TET3: variants seen among roughly 807,000 people sequenced by gnomAD.
TET3 encodes methylcytosine dioxygenase TET3.
A neutral mutation model predicts 141.4 loss-of-function variants in TET3; 19 were observed. That is an observed-to-expected ratio of 0.13 (90% CI 0.09 to 0.20). The LOEUF (loss-of-function observed/expected upper bound fraction) is 0.20, where lower values mean the gene tolerates loss of function less well. Among genes scored for constraint, TET3 ranks in the 10% least tolerant of loss-of-function variants. The pLI, the probability that TET3 is intolerant of heterozygous loss-of-function variation, is 1.00. For missense variants in TET3, 1,874 were observed against 2,356.9 expected, an observed-to-expected ratio of 0.80 and a Z score of 4.24; for synonymous variants, 1,043 against 980.9, an observed-to-expected ratio of 1.06 and a Z score of -1.18.
rs1252821430 is a variant in TET3, at chr2:74,104,347, G to GA, written c.*2175dup. ...AATTATTCAGAACTCAGATTTATAG[G>GA]AAAACCTCTGACCTTCAGTTTGACA... On this transcript the variant is annotated 3_prime_UTR_variant, in exon 12 of 12. Transcript: ENST00000409262. 2 of 152,094 alleles carry GA rather than the reference G, an allele frequency of 1.3e-5. No homozygotes were observed. Among genetic ancestry groups the GA allele is most frequent in the Non-Finnish European group, 2.9e-5 (2 of 68,016 alleles). 9.4% of individuals were successfully genotyped at this position (152,094 alleles called of 1,614,324 possible).
At chr2:74,120,568 G>A in the TET3 span, 1 of 152,618 alleles carries the variant, frequency 6.6e-6, no homozygotes, top group African/African-American at 2.4e-5. Context: ...TCTTGTTGAG[G>A]AGGGACCGGA....
chr2:74,097,807 C>T (rs1022729573), intron 10 of TET3, among the ~76,000 whole-genome samples: 4 of 152,146 alleles, frequency 2.6e-5, no homozygotes, highest in South Asian at 2.1e-4. Flanking sequence ...AAGGAGATGG[C>T]GAGGGGGTGT....
At chr2:74,096,535 G>C (rs1419393687) in intron 10 of TET3, among the ~76,000 whole-genome samples, 2 of 152,160 alleles carry the variant, frequency 1.3e-5, no homozygotes, top group East Asian at 3.8e-4. Context: ...GGGAGGCTGA[G>C]ATGGGTGGAT....
intron 4 of TET3, among the ~76,000 whole-genome samples, chr2:74,070,719 A>G (rs1289486808): frequency 1.3e-5 from 2 of 152,196 alleles, no homozygotes; most frequent in Non-Finnish European, 2.9e-5. Context: ...CAAGCCTGTA[A>G]TCCTAGCACT....
chr2:74,063,666 G>T (rs1284412045), intron 4 of TET3, among the ~76,000 whole-genome samples: 1 of 152,112 alleles, frequency 6.6e-6, no homozygotes, highest in African/African-American at 2.4e-5. Flanking sequence ...GAGATGAGTT[G>T]TTCAGTGGGT....
chr2:74,013,269 C>T (rs895245904), intron 3 of TET3, among the ~76,000 whole-genome samples: 1 of 151,944 alleles, frequency 6.6e-6, no homozygotes, highest in African/African-American at 2.4e-5. Context: ...GCTGGGATTA[C>T]AGGCATGAGC....
intron 3 of TET3, among the ~76,000 whole-genome samples, chr2:74,038,920 C>T (rs906022323): frequency 3.3e-5 from 5 of 152,222 alleles, no homozygotes; most frequent in Admixed American, 6.5e-5. Flanking sequence ...GATTCTGTTC[C>T]TTGTCTCACT....
At chr2:74,080,979 G>T (rs1311324736) in intron 6 of TET3, among the ~76,000 whole-genome samples, 1 of 152,182 alleles carries the variant, frequency 6.6e-6, no homozygotes, top group Non-Finnish European at 1.5e-5. Context: ...TGGACTGTCA[G>T]ACTCCTTGTC....
chr2:74,070,212 A>C (rs1372338256), intron 4 of TET3, among the ~76,000 whole-genome samples: 1 of 151,560 alleles, frequency 6.6e-6, no homozygotes, highest in Non-Finnish European at 1.5e-5. Context: ...GAGACTGGGT[A>C]ATTTATAAAG....
chr2:74,135,337 G>GCAA, the TET3 span: 22 of 609,110 alleles, frequency 3.6e-5, no homozygotes, highest in African/African-American at 2.2e-4. Flanking sequence ...CTCTGTAGCA[G>GCAA]GACAGAACTG....
intron 2 of TET3, among the ~76,000 whole-genome samples, chr2:73,999,934 A>C (rs1050441080): frequency 6.6e-5 from 10 of 151,558 alleles, no homozygotes; most frequent in African/African-American, 2.4e-4. Flanking sequence ...TGCCTGGGGG[A>C]CTATGGGCTC....
At chr2:74,025,786 C>A (rs1254895893) in intron 3 of TET3, among the ~76,000 whole-genome samples, 1 of 152,080 alleles carries the variant, frequency 6.6e-6, no homozygotes, top group African/African-American at 2.4e-5. Context: ...GGAGCAGATT[C>A]TCAGTTTTTC....
intron 2 of TET3, among the ~76,000 whole-genome samples, chr2:73,996,770 A>G (rs1684613238): frequency 6.6e-6 from 1 of 152,158 alleles, no homozygotes. Flanking sequence ...CGGCCTCCCA[A>G]AGTGCTGGGA....
intron 2 of TET3, among the ~76,000 whole-genome samples, chr2:73,997,481 C>T (rs1426181042): frequency 1.3e-5 from 2 of 152,046 alleles, no homozygotes; most frequent in East Asian, 3.9e-4. Context: ...GTTCATGCTG[C>T]AGGATGGGGT....
chr2:74,099,604 C>A lies in TET3; in HGVS notation c.3596C>A (p.Ser1199Ter). 1 of 1,572,366 alleles carries A rather than the reference C, an allele frequency of 6.4e-7. No individual in the cohort carries two copies. Among genetic ancestry groups the A allele is most frequent in the East Asian group, 2.3e-5 (1 of 42,802 alleles). The part of the protein sequence containing the change: ...QEALELAGIT[S>*]DPGLSLKGGL... ...GCCCTGGAGCTGGCGGGCATTACGT[C>A]GGACCCAGGTGTGTGGGGGGAGGGT... Residue 1199 changes from serine to a stop codon, truncating the protein, a stop_gained, in exon 11 of 12, where the codon TCG becomes TAG. Transcript: ENST00000409262. LOFTEE classifies it high-confidence loss of function.
At chr2:74,089,777 TCA>T in intron 7 of TET3, 118 bp from the exon 8 acceptor site, 1 of 1,342,124 alleles carries the variant, frequency 7.5e-7, no homozygotes. Context: ...AGGATGAGTC[TCA>T]GTCACTGGGA....
At chr2:74,051,836 A>C (rs531735056) in intron 4 of TET3, among the ~76,000 whole-genome samples, 10 of 152,210 alleles carry the variant, frequency 6.6e-5, no homozygotes, top group South Asian at 2.1e-4. Flanking sequence ...CTTAACCACC[A>C]TGTCATATTG....
intron 4 of TET3, among the ~76,000 whole-genome samples, chr2:74,072,879 G>A (rs1204132067): frequency 6.6e-6 from 1 of 152,118 alleles, no homozygotes; most frequent in African/African-American, 2.4e-5. Flanking sequence ...ATTTTACTTG[G>A]TATAATGTTC....
intron 3 of TET3, among the ~76,000 whole-genome samples, chr2:74,017,284 T>C (rs1451263480): frequency 6.6e-6 from 1 of 152,150 alleles, no homozygotes; most frequent in Non-Finnish European, 1.5e-5. Context: ...AACCAAACAA[T>C]AAATTGTGAA....
Sources: allele counts gnomAD v4.1 joint callset (sites outside exome capture counted in the v4.1 genomes callset), GRCh38; gene constraint gnomAD v4.1.1; transcripts MANE v1.5; gene names NCBI Gene and HGNC (gene_info 2026-07-23, HGNC 2026-07-21).